The following EVC2 variants were observed in gnomAD, a reference collection of about 807,000 sequenced individuals.
The protein encoded by EVC2 is EvC ciliary complex subunit 2.
In EVC2, 148 loss-of-function variants were observed where a neutral mutation model predicts 149.3. The ratio of observed to expected loss-of-function variants is 0.99; its 90% CI spans 0.87 to 1.14. The LOEUF is 1.14. Among genes scored for constraint, EVC2 ranks in the 50% most tolerant of loss-of-function variants. The pLI is 0.00. For missense variants in EVC2, 1,854 were observed against 1,627.3 expected (o/e 1.14, Z -2.40); for synonymous variants, 776 against 649.9 (o/e 1.19, Z -2.95).
intron 9 of EVC2, among the ~76,000 whole-genome samples, chr4:5,641,797 A>G (rs1717348335): frequency 6.6e-6 from 1 of 152,186 alleles, no homozygotes; most frequent in African/African-American, 2.4e-5. Context: ...TTTTACCTTA[A>G]GTTCTGGGAT....
At chr4:5,631,324 C>A (rs1173925068) in intron 11 of EVC2, among the ~76,000 whole-genome samples, 4 of 152,150 alleles carry the variant, frequency 2.6e-5, no homozygotes, top group African/African-American at 9.7e-5. Context: ...ACCTCCTGGG[C>A]TCAAGCAATC....
downstream of EVC2, among the ~76,000 whole-genome samples, chr4:5,560,086 C>T (rs771019851): frequency 4.6e-5 from 7 of 151,558 alleles, no homozygotes; most frequent in African/African-American, 9.7e-5. This position sits in a 1 kb window ranked among gnomAD's most constrained non-coding sequence, Gnocchi z 4.1. Context: ...TGTTAGTCAA[C>T]GCAACTAGAT....
In EVC2 at chr4:5,568,559, G is replaced by A; in HGVS notation, c.3442C>T (p.Pro1148Ser). The change falls in exon 20 of 22, where the codon CCC (proline) becomes TCC (serine). Residue 1148 changes from proline (P) to serine (S), a missense_variant. Coordinates refer to ENST00000344408, the MANE Select transcript of EVC2 (RefSeq NM_147127.5). ...TLRRLLSVVL[P>S]TASQPQLLAL... ...AGCAGCTGAGGCTGTGAGGCTGTGG[G>A]CAGTACCACACTCAGGAGCCGGCGA... The A allele has an allele frequency of 6.2e-7, 1 of 1,605,504 alleles. No homozygotes were observed. The highest frequency in any genetic ancestry group is 1.3e-5 in the African/African-American group (1 of 74,956).
Position 5,679,155 on chromosome 4 carries a change from G to C in EVC2, c.870+2105C>G, listed in dbSNP as rs1265000154. ...TTGCTCTGGGCCAGTCAGTGAGTGA[G>C]TGGTGAGTGAATGTGAAGGCGTAGG... On this transcript the variant is annotated intron_variant, in intron 7 of 21. Transcript: ENST00000344408. The surrounding 1 kb of genome is among the most constrained non-coding windows in gnomAD (Gnocchi z 5.1). Among the ~76,000 whole-genome samples, 1 of 152,170 alleles carries C rather than the reference G, an allele frequency of 6.6e-6. No homozygotes were observed. The highest frequency in any genetic ancestry group is 1.9e-4 in the East Asian group (1 of 5,198).
intron 16 of EVC2, among the ~76,000 whole-genome samples, chr4:5,586,923 A>C (rs1421768609): frequency 6.6e-6 from 1 of 152,196 alleles, no homozygotes; most frequent in South Asian, 2.1e-4. Context: ...AACCTTGGCA[A>C]AATAAATTTT....
chr4:5,597,431 G>A (rs1205268852), intron 16 of EVC2, among the ~76,000 whole-genome samples: 1 of 140,804 alleles, frequency 7.1e-6, no homozygotes. Flanking sequence ...ATCAATAAAT[G>A]TAATCCAGCA....
At position 5,622,612 on chromosome 4, in the gene EVC2, C is replaced by G; in HGVS notation, c.2426G>C (p.Arg809Thr). 2 of 1,614,042 alleles carry G rather than the reference C, an allele frequency of 1.2e-6. No homozygotes were observed. Among genetic ancestry groups the G allele is most frequent in the Non-Finnish European group, 1.7e-6 (2 of 1,180,022 alleles). ...GGCCTCAGGAGCGTCATCCTTCAGT[C>G]TCTGCCTCACGCTCTGGACACCCTC... ...DQEGVQSVRQ[R>T]LKDDAPEAVT... The change falls in exon 14 of 22, where the codon AGA becomes ACA. Residue 809 changes from arginine to threonine, a missense_variant. Physicochemically the swap from Arg to Thr is moderately conservative, Grantham distance 71. Coordinates refer to ENST00000344408, the MANE Select transcript of EVC2 (RefSeq NM_147127.5). This position sits in a 1 kb window ranked among gnomAD's most constrained non-coding sequence, Gnocchi z 5.8.
chr4:5,642,690 A>G (rs1717427537), intron 9 of EVC2, among the ~76,000 whole-genome samples: 1 of 152,210 alleles, frequency 6.6e-6, no homozygotes, highest in African/African-American at 2.4e-5. Flanking sequence ...GCTTTCCAGA[A>G]GAGACCCCCA....
intron 18 of EVC2, among the ~76,000 whole-genome samples, 179 bp from the exon 19 acceptor site, chr4:5,574,951 C>T (rs1269827849): frequency 6.6e-6 from 1 of 152,172 alleles, no homozygotes; most frequent in Non-Finnish European, 1.5e-5. Context: ...CTACTTTGCA[C>T]ATAACATGTC....
chr4:5,706,643 G>C (rs1041733239), intron 1 of EVC2, among the ~76,000 whole-genome samples: 28 of 152,148 alleles, frequency 1.8e-4, no homozygotes, highest in African/African-American at 6.3e-4. Flanking sequence ...GCTGTGACTT[G>C]TCCCAGGCCC....
At position 5,691,285 on chromosome 4, in the gene EVC2, T is replaced by C. The variant is rs752457225; in HGVS notation, c.499A>G (p.Ile167Val). The C allele has an allele frequency of 6.2e-7, 1 of 1,613,622 alleles. No individual in the cohort carries two copies. The highest frequency in any genetic ancestry group is 8.5e-7 in the Non-Finnish European group (1 of 1,179,686). The part of the protein sequence containing the change: ...EVQGTSENGV[I>V]FQKCALVSGS... ...CTTACCAGTGCACATTTCTGAAAAA[T>C]TACTCCATTTTCAGAAGTCCCTTGA... Residue 167 changes from isoleucine (I) to valine (V), a missense_variant, in exon 4 of 22, where the codon ATT (isoleucine) becomes GTT (valine). By Grantham distance (29) the Ile-to-Val change is conservative. Coordinates refer to ENST00000344408, the MANE Select transcript of EVC2 (RefSeq NM_147127.5).
intron 16 of EVC2, among the ~76,000 whole-genome samples, chr4:5,606,982 A>G (rs1212280703): frequency 6.6e-6 from 1 of 152,220 alleles, no homozygotes; most frequent in Admixed American, 6.5e-5. Flanking sequence ...AGGATAGCAT[A>G]CAGAAGTCCG....
chr4:5,606,615 A>G (rs548205034), intron 16 of EVC2, among the ~76,000 whole-genome samples: 6 of 152,146 alleles, frequency 3.9e-5, no homozygotes, highest in Non-Finnish European at 7.3e-5. Context: ...CCAGCATCCA[A>G]TCTAAAATTA....
intron 16 of EVC2, among the ~76,000 whole-genome samples, chr4:5,598,255 C>T (rs1246005536): frequency 2.4e-4 from 37 of 151,436 alleles, no homozygotes; most frequent in South Asian, 6.3e-4. Context: ...GAGCCCGCAT[C>T]GCCAAGTCAA....
At chr4:5,530,930 C>G in the EVC2 span, among the ~76,000 whole-genome samples, 1 of 152,188 alleles carries the variant, frequency 6.6e-6, no homozygotes, top group South Asian at 2.1e-4. Flanking sequence ...ACTTACCATG[C>G]TGAGCAGTTG....
chr4:5,615,498 C>G lies in EVC2; in HGVS notation c.2753G>C (p.Gly918Ala), dbSNP rs1400740204. Residue 918 changes from glycine (G) to alanine (A), a missense_variant, in exon 16 of 22, where the codon GGA (glycine) becomes GCA (alanine). Transcript: ENST00000344408. Reference sequence around the variant, plus strand: ...TTCGATGCACTTCTTCAGAAGCTCTCCCTTGCTTTTACTCTTGGACCGTGA... The same window carrying G: ...TTCGATGCACTTCTTCAGAAGCTCTGCCTTGCTTTTACTCTTGGACCGTGA... ...RKSRSKSKSK[G>A]ELLKKCIEDK... 5 of 1,614,228 alleles carry G rather than the reference C, an allele frequency of 3.1e-6. No individual in the cohort carries two copies. The highest frequency in any genetic ancestry group is 3.3e-5 in the Admixed American group (2 of 60,032).
rs1383682749 is a variant in EVC2 at position 5,618,915 on chromosome 4, G to A, written c.2502-233C>T. ...TGAGAGCTGAATGAGGCCAGGCTGT[G>A]AGGGTGCCTTTGAGGAGGCAACAGG... is the stretch of plus-strand genomic sequence containing the variant. On this transcript the variant is annotated intron_variant, in intron 14 of 21. Transcript: ENST00000344408. This position sits in a 1 kb window ranked among gnomAD's most constrained non-coding sequence, Gnocchi z 4.4. Among the ~76,000 whole-genome samples the A allele has an allele frequency of 6.6e-6, 1 of 152,238 alleles. No individual in the cohort carries two copies. The highest frequency in any genetic ancestry group is 2.4e-5 in the African/African-American group (1 of 41,458).
chr4:5,534,399 A>C, the EVC2 span, among the ~76,000 whole-genome samples: 2 of 152,190 alleles, frequency 1.3e-5, no homozygotes, highest in Admixed American at 6.5e-5. Context: ...GGATAGATAG[A>C]TGAAAACAGA....
At chr4:5,588,091 A>G (rs567259057) in intron 16 of EVC2, among the ~76,000 whole-genome samples, 1 of 152,264 alleles carries the variant, frequency 6.6e-6, no homozygotes, top group African/African-American at 2.4e-5. Flanking sequence ...ATCTCCTAGT[A>G]AGGAAAACTT....
Sources: gnomAD v4.1 joint callset for allele counts (sites outside exome capture counted in the v4.1 genomes callset) on GRCh38, gnomAD v4.1.1 for gene constraint, Gnocchi (gnomAD v3.1) non-coding constraint, MANE v1.5 for transcripts, NCBI Gene and HGNC (gene_info 2026-07-23, HGNC 2026-07-21) for gene names.